The following CHP1 variants were observed in gnomAD, a reference collection of about 807,000 sequenced individuals.
The protein encoded by CHP1 is calcineurin like EF-hand protein 1, also known as calcineurin B homologous protein 1.
CHP1 carries 11 observed loss-of-function variants against 27.4 expected under a neutral mutation model. The ratio of observed to expected loss-of-function variants is 0.40; its 90% CI spans 0.25 to 0.67. The LOEUF (loss-of-function observed/expected upper bound fraction) is 0.67. Ranked by LOEUF, CHP1 falls within the 30% of genes least tolerant of loss-of-function variation. The pLI, the probability that CHP1 is intolerant of heterozygous loss-of-function variation, is 0.38. For synonymous variants in CHP1, 89 were observed against 87.4 expected, an observed-to-expected ratio of 1.02 and a Z score of -0.10; for missense variants, 169 against 251.3, an observed-to-expected ratio of 0.67 and a Z score of 2.22.
chr15:41,244,283 G>A (rs1243345075), intron 2 of CHP1, among the ~76,000 whole-genome samples: 1 of 151,582 alleles, frequency 6.6e-6, no homozygotes, highest in Non-Finnish European at 1.5e-5. Flanking sequence ...CTTAATTTAG[G>A]TGGCCATTGT....
intron 4 of CHP1, chr15:41,264,283 G>A (rs1180192432): frequency 9.2e-7 from 1 of 1,088,624 alleles, no homozygotes; most frequent in East Asian, 5.9e-5. Context: ...TCAGGAGAGT[G>A]CGAGTGCCGA....
At chr15:41,235,568 A>T (rs1038172808) in intron 1 of CHP1, among the ~76,000 whole-genome samples, 24 of 152,176 alleles carry the variant, frequency 1.6e-4, no homozygotes, top group Admixed American at 1.3e-3. Context: ...TTGATAAACA[A>T]TTCATGCCAT....
intron 4 of CHP1, among the ~76,000 whole-genome samples, chr15:41,266,803 C>T (rs1054497181): frequency 6.6e-6 from 1 of 152,060 alleles, no homozygotes; most frequent in African/African-American, 2.4e-5. Context: ...AGTTCGAGAC[C>T]AGCCTGGCCA....
chr15:41,251,473 A>G (rs539974655), intron 2 of CHP1, among the ~76,000 whole-genome samples: 5 of 152,188 alleles, frequency 3.3e-5, no homozygotes, highest in Admixed American at 2.0e-4. Context: ...GGGGTCCCCA[A>G]CCTCTGGGTT....
intron 2 of CHP1, among the ~76,000 whole-genome samples, chr15:41,253,653 A>T (rs1237138680): frequency 6.6e-6 from 1 of 151,238 alleles, no homozygotes; most frequent in Non-Finnish European, 1.5e-5. Flanking sequence ...ACGGGGTTTC[A>T]CCGTGTTAGC....
At position 41,235,827 on chromosome 15, in the gene CHP1, GTAGGA is replaced by G. The variant is rs1440298937; in HGVS notation, c.67+4379_67+4383del. The stretch of plus-strand genomic sequence containing the variant: ...CTTCAGGTTTCTCGTGCCTCCAAAT[GTAGGA>G]CCCTTCACAGCCCTCACCAGCCTGA... On this transcript the variant is annotated intron_variant, in intron 1 of 6. Coordinates refer to ENST00000334660, the MANE Select transcript of CHP1 (RefSeq NM_007236.5). Among the ~76,000 whole-genome samples, 26 of 152,312 alleles carry G rather than the reference GTAGGA, an allele frequency of 1.7e-4. No homozygotes were observed. The East Asian group carries it at 4.4e-3, about 26-fold the overall frequency.
chr15:41,243,826 C>T, intron 2 of CHP1, 87 bp downstream of exon 2: 2 of 1,049,784 alleles, frequency 1.9e-6, no homozygotes, highest in Admixed American at 2.2e-5. Flanking sequence ...CTAGGGTAGA[C>T]ATGATAGACA....
intron 2 of CHP1, among the ~76,000 whole-genome samples, chr15:41,246,802 G>A (rs2047337232): frequency 6.6e-6 from 1 of 151,066 alleles, no homozygotes; most frequent in African/African-American, 2.4e-5. Flanking sequence ...CTACTCGAGA[G>A]GCTGAGGTAG....
intron 3 of CHP1, among the ~76,000 whole-genome samples, chr15:41,257,687 A>T (rs936946854): frequency 6.6e-6 from 1 of 151,414 alleles, no homozygotes; most frequent in African/African-American, 2.4e-5. Context: ...AGCCTCCGAG[A>T]TAGTTGGGAT....
intron 4 of CHP1, among the ~76,000 whole-genome samples, chr15:41,265,710 CAA>C (rs143866388): frequency 7.4e-5 from 9 of 121,570 alleles, no homozygotes; most frequent in Admixed American, 8.7e-5. Flanking sequence ...AACTCCATCT[CAA>C]AAAAAAAAAA....
intron 2 of CHP1, among the ~76,000 whole-genome samples, chr15:41,249,663 G>T (rs1297416073): frequency 2.0e-5 from 3 of 151,592 alleles, no homozygotes; most frequent in Admixed American, 2.0e-4. Flanking sequence ...TAGTAGAGAC[G>T]GGGTTTCACT....
In CHP1 at chr15:41,279,998, C is replaced by T. The variant is rs2047537687; in HGVS notation, c.*609C>T. 1 of 152,362 alleles carries T rather than the reference C, an allele frequency of 6.6e-6. No individual in the cohort carries two copies. Among genetic ancestry groups the T allele is most frequent in the African/African-American group, 2.4e-5 (1 of 41,414 alleles). The allele number at this position is 152,362 out of a possible 1,614,324, so 9.4% of individuals were successfully genotyped here. On this transcript the variant is annotated 3_prime_UTR_variant, in exon 7 of 7. Coordinates refer to ENST00000334660, the MANE Select transcript of CHP1 (RefSeq NM_007236.5). ...TTATTTACCTTCATTATTAAATGGG[C>T]CTCTGGGATGTTGCCTCTTCAGGAG...
chr15:41,257,536 T>G (rs8036855), intron 3 of CHP1, among the ~76,000 whole-genome samples: 1 of 151,824 alleles, frequency 6.6e-6, no homozygotes, highest in African/African-American at 2.4e-5. Flanking sequence ...TAATCAATAT[T>G]AAAAATAACT....
Position 41,271,254 on chromosome 15 carries a change from C to CAA in CHP1, c.411+659_411+660dup, listed in dbSNP as rs143070752. Among the ~76,000 whole-genome samples, 595 of 75,604 alleles carry CAA rather than the reference C, an allele frequency of 7.9e-3. 5 individuals carry two copies. The highest frequency in any genetic ancestry group is 0.026 in the African/African-American group (497 of 18,950). 49.6% of individuals were successfully genotyped at this position (75,604 alleles called of 152,430 possible). On this transcript the variant is annotated intron_variant, in intron 5 of 6. Coordinates refer to ENST00000334660, the MANE Select transcript of CHP1 (RefSeq NM_007236.5). ...TGGGCGACAGAGCAAGATTCCGTCT[C>CAA]AAAAAAAAAAAAAAAAAAAAAAAAT...
In CHP1 at chr15:41,231,377, A is replaced by G. The variant is rs934135194; in HGVS notation, c.-6A>G. On this transcript the variant is annotated 5_prime_UTR_variant, in exon 1 of 7. Coordinates refer to ENST00000334660, the MANE Select transcript of CHP1 (RefSeq NM_007236.5). Reference sequence around the variant, plus strand: ...CGCTGCTCCCGGAGGAGCTCCCGGCACGGCGATGGGTTCTCGGGCCTCCAC... The same window carrying G: ...CGCTGCTCCCGGAGGAGCTCCCGGCGCGGCGATGGGTTCTCGGGCCTCCAC... The G allele has an allele frequency of 1.3e-6, 2 of 1,596,702 alleles. No homozygotes were observed. The highest frequency in any genetic ancestry group is 8.5e-7 in the Non-Finnish European group (1 of 1,173,182).
chr15:41,278,630 A>G, intron 5 of CHP1, 137 bp from the exon 6 acceptor site: 1 of 1,014,884 alleles, frequency 9.9e-7, no homozygotes, highest in Non-Finnish European at 1.4e-6. Flanking sequence ...CATTAACCAA[A>G]ACATTATTAT....
At chr15:41,247,739 G>A (rs901874768) in intron 2 of CHP1, among the ~76,000 whole-genome samples, 1 of 151,842 alleles carries the variant, frequency 6.6e-6, no homozygotes, top group African/African-American at 2.4e-5. Context: ...TTGGGAGGCC[G>A]AGGCAGGCAG....
In CHP1 at chr15:41,236,170, C is replaced by T. The variant is rs1270772216; in HGVS notation, c.67+4721C>T. On this transcript the variant is annotated intron_variant, in intron 1 of 6. Coordinates refer to ENST00000334660, the MANE Select transcript of CHP1 (RefSeq NM_007236.5). ...CATAGCTCATTGCAGCCTCAAACTC[C>T]TGGCCTCAAATGATCCTTCCACCCC... Among the ~76,000 whole-genome samples, 5 of 151,746 alleles carry T rather than the reference C, an allele frequency of 3.3e-5. No homozygotes were observed. In the East Asian group the frequency reaches 9.7e-4, roughly 29 times the overall value.
chr15:41,231,546 G>A, intron 1 of CHP1, 97 bp downstream of exon 1: 1 of 1,179,232 alleles, frequency 8.5e-7, no homozygotes, highest in Non-Finnish European at 1.2e-6. Context: ...GTGCCTGTGA[G>A]GTTGGGGGGT....
Sources: allele counts gnomAD v4.1 joint callset (sites outside exome capture counted in the v4.1 genomes callset), GRCh38; gene constraint gnomAD v4.1.1; transcripts MANE v1.5; gene names NCBI Gene and HGNC (gene_info 2026-07-23, HGNC 2026-07-21).